POLR2G: variants seen among roughly 807,000 people sequenced by gnomAD.
POLR2G encodes RNA polymerase II subunit G.
Under a neutral mutation model 25.7 loss-of-function variants are expected in POLR2G, and 19 were observed. That is an observed-to-expected ratio of 0.74 (90% CI 0.52 to 1.08). POLR2G has a LOEUF of 1.08. POLR2G is among the 50% of genes least tolerant of loss of function. The pLI is 0.00. For missense variants in POLR2G, 123 were observed against 218.5 expected (o/e 0.56, Z 2.76); for synonymous variants, 79 against 76.0 (o/e 1.04, Z -0.21).
chr11:62,763,129 CTTTTTTTTTTTT>C (rs149301237), intron 3 of POLR2G, 103 bp downstream of exon 3: 7 of 275,404 alleles, frequency 2.5e-5, no homozygotes, highest in East Asian at 1.3e-4. Flanking sequence ...AGTCACTTCA[CTTTTTTTTTTTT>C]TTTTTTTTTT....
chr11:62,763,094 C>G (rs192516918), intron 3 of POLR2G, 68 bp downstream of exon 3: 1 of 824,486 alleles, frequency 1.2e-6, no homozygotes, highest in East Asian at 2.9e-5. Flanking sequence ...TCTGGCTCCA[C>G]TTCATAACTC....
chr11:62,762,073 A>G (rs1472050002), intron 2 of POLR2G, 169 bp downstream of exon 2: 1 of 601,670 alleles, frequency 1.7e-6, no homozygotes, highest in African/African-American at 1.9e-5. Context: ...GCCCTCTGCA[A>G]TGCTGGACAA....
intron 3 of POLR2G, among the ~76,000 whole-genome samples, chr11:62,763,381 G>A (rs1453718565): frequency 1.3e-5 from 2 of 150,380 alleles, no homozygotes; most frequent in African/African-American, 2.4e-5. Flanking sequence ...TGCAAGCTCC[G>A]CCTCCCGGGT....
At chr11:62,762,707 G>A in intron 2 of POLR2G, 160 bp from the exon 3 acceptor site, 1 of 636,530 alleles carries the variant, frequency 1.6e-6, no homozygotes, top group Non-Finnish European at 2.9e-6. Flanking sequence ...TCTCTGTTCT[G>A]TCTTCTTTTG....
chr11:62,765,973 C>T (rs2084113915), intron 6 of POLR2G, among the ~76,000 whole-genome samples: 1 of 151,730 alleles, frequency 6.6e-6, no homozygotes, highest in Non-Finnish European at 1.5e-5. Context: ...ATTTTTAGTA[C>T]AGACAGGGTT....
chr11:62,765,709 G>T lies in POLR2G; in HGVS notation c.456G>T (p.Val152=). Residue 152 remains valine (V), a synonymous_variant, in exon 6 of 8, where the codon GTG becomes GTT. Transcript: ENST00000301788. ...GCTTAAAGATTGTGGGGACCCGTGT[G>T]GACAAGAATGACATTGTGAGTCTTT... The part of the protein sequence containing the change: ...EIRLKIVGTR[V]DKNDIFAIGS... 1 of 1,602,966 alleles carries T rather than the reference G, an allele frequency of 6.2e-7. No individual in the cohort carries two copies. Among genetic ancestry groups the T allele is most frequent in the South Asian group, 1.1e-5 (1 of 90,866 alleles).
rs1288316937 is a variant in POLR2G, at chr11:62,766,559, C to G, written c.*52C>G. The G allele has an allele frequency of 6.4e-7, 1 of 1,571,130 alleles. No individual in the cohort carries two copies. Among genetic ancestry groups the G allele is most frequent in the Non-Finnish European group, 8.8e-7 (1 of 1,141,396 alleles). On this transcript the variant is annotated 3_prime_UTR_variant, in exon 8 of 8. Transcript: ENST00000301788. ...TACTCTAGGAAGTGTGATTGTCACA[C>G]TTATCATGTTGTCCAGAGGTCCAGT... is the stretch of plus-strand genomic sequence containing the variant.
intron 3 of POLR2G, among the ~76,000 whole-genome samples, chr11:62,764,925 C>G (rs1209740772): frequency 6.6e-6 from 1 of 151,690 alleles, no homozygotes; most frequent in East Asian, 1.9e-4. Flanking sequence ...ATGGTGCAAT[C>G]TCGGCTCACT....
chr11:62,766,567 G>T lies in POLR2G; in HGVS notation c.*60G>T. The T allele has an allele frequency of 6.5e-7, 1 of 1,530,822 alleles. No homozygotes were observed. Among genetic ancestry groups the T allele is most frequent in the Non-Finnish European group, 9.0e-7 (1 of 1,104,976 alleles). The allele number at this position is 1,530,822 out of a possible 1,614,324, so 94.8% of individuals were successfully genotyped here. A position where few individuals can be genotyped will look rare whatever the true frequency, so the allele number is the denominator to read the frequency against. On this transcript the variant is annotated 3_prime_UTR_variant, in exon 8 of 8. Transcript: ENST00000301788. ...GAAGTGTGATTGTCACACTTATCAT[G>T]TTGTCCAGAGGTCCAGTCTGGCTGC...
rs1323217595 is a variant in POLR2G, at chr11:62,765,236, A to T, written c.333+4A>T. The stretch of plus-strand genomic sequence containing the variant: ...GTCTTGCTTCATCTCTCGACATGTA[A>T]GTCTGGGCACACTGGGTGGGGCTGA... On this transcript the variant is annotated splice_donor_region_variant and intron_variant, in intron 4 of 7. Transcript: ENST00000301788. 1.2e-6 allele frequency: 2 copies of T among 1,613,948 alleles called. No homozygotes were observed. The highest frequency in any genetic ancestry group is 1.1e-5 in the South Asian group (1 of 91,086).
At chr11:62,765,533 C>A in intron 5 of POLR2G, 120 bp from the exon 6 acceptor site, 1 of 1,100,716 alleles carries the variant, frequency 9.1e-7, no homozygotes, top group Non-Finnish European at 1.4e-6. Flanking sequence ...GATTTTATGA[C>A]TTTACGATGG....
At chr11:62,762,017 T>C in intron 2 of POLR2G, 113 bp downstream of exon 2, 2 of 764,276 alleles carry the variant, frequency 2.6e-6, no homozygotes, top group East Asian at 2.6e-5. Context: ...GGGACCCCTC[T>C]CCTCTCTCAG....
Position 62,766,376 on chromosome 11 carries a change from A to G in POLR2G, c.505+100A>G, listed in dbSNP as rs183415110. 5.5e-5 allele frequency: 84 copies of G among 1,519,908 alleles called. No homozygotes were observed. The East Asian group carries it at 1.9e-3, about 34-fold the overall frequency. The allele number at this position is 1,519,908 out of a possible 1,614,324, so 94.2% of individuals were successfully genotyped here. ...TCAATGCCCAAATCAGAGAGACAGA[A>G]GAAACTTTCATGCTGTCTGCTTGAA... On this transcript the variant is annotated intron_variant, in intron 7 of 7. Transcript: ENST00000301788.
At chr11:62,765,008 G>GGA (rs2084107960) in intron 3 of POLR2G, among the ~76,000 whole-genome samples, 174 bp from the exon 4 acceptor site, 2 of 152,112 alleles carry the variant, frequency 1.3e-5, no homozygotes, top group African/African-American at 4.8e-5. Context: ...AGAGGTGCAC[G>GGA]CCACCATGCC....
intron 2 of POLR2G, 65 bp downstream of exon 2, chr11:62,761,969 C>A: frequency 8.5e-7 from 1 of 1,173,854 alleles, no homozygotes; most frequent in Non-Finnish European, 1.3e-6. Flanking sequence ...ATACCTGCAA[C>A]CCCTCCCCAA....
In POLR2G at chr11:62,765,232, T is replaced by G; in HGVS notation, c.333T>G (p.His111Gln). Reference protein sequence around the residue: ...IGPMSCFISRHSIPSEMEFDP... With the variant: ...IGPMSCFISRQSIPSEMEFDP... ...CCATGTCTTGCTTCATCTCTCGACA[T>G]GTAAGTCTGGGCACACTGGGTGGGG... The change falls in exon 4 of 8, where the codon CAT becomes CAG. Residue 111 changes from histidine (H) to glutamine (Q), a missense_variant and splice_region_variant. His to Gln is a conservative substitution (Grantham distance 24, BLOSUM62 0). Transcript: ENST00000301788. 6.2e-7 allele frequency: 1 copy of G among 1,613,988 alleles called. No homozygotes were observed.
At chr11:62,765,581 A>T in intron 5 of POLR2G, 72 bp from the exon 6 acceptor site, 1 of 1,181,912 alleles carries the variant, frequency 8.5e-7, no homozygotes. Context: ...CCCCGGGCTT[A>T]CAGTGAAGTG....
In POLR2G at chr11:62,762,984, T is replaced by C; in HGVS notation, c.240T>C (p.Phe80=). The change falls in exon 3 of 8, where the codon TTT becomes TTC. Residue 80 remains phenylalanine (F), a synonymous_variant. Coordinates refer to ENST00000301788, the MANE Select transcript of POLR2G (RefSeq NM_002696.3). Reference sequence around the variant, plus strand: ...ACAAGGCCATTGTTTTCCGGCCATTTAAAGGGGAGGTCGTGGATGCTGTTG... The same window carrying C: ...ACAAGGCCATTGTTTTCCGGCCATTCAAAGGGGAGGTCGTGGATGCTGTTG... ...VKYKAIVFRP[F]KGEVVDAVVT... is the part of the protein sequence containing the mutation. The C allele has an allele frequency of 6.2e-7, 1 of 1,610,968 alleles. No homozygotes were observed.
At chr11:62,763,780 G>C (rs1042391997) in intron 3 of POLR2G, among the ~76,000 whole-genome samples, 1 of 144,704 alleles carries the variant, frequency 6.9e-6, no homozygotes, top group Non-Finnish European at 1.5e-5. Context: ...GTCTAGCTCT[G>C]TTGCCAGGCT....
Sources: allele counts gnomAD v4.1 joint callset (sites outside exome capture counted in the v4.1 genomes callset), GRCh38; gene constraint gnomAD v4.1.1; transcripts MANE v1.5; gene names NCBI Gene and HGNC (gene_info 2026-07-23, HGNC 2026-07-21).